Variants in KIAA1217 observed in about 807,000 individuals in gnomAD.
KIAA1217 encodes KIAA1217.
In KIAA1217, 88 loss-of-function variants were observed where a neutral mutation model predicts 163.9. The observed-to-expected ratio is 0.54, with a 90% CI of 0.45 to 0.64. The LOEUF (loss-of-function observed/expected upper bound fraction) is 0.64, where lower values mean the gene tolerates loss of function less well. Ranked by LOEUF, KIAA1217 falls within the 30% of genes least tolerant of loss-of-function variation. The pLI, the probability that KIAA1217 is intolerant of heterozygous loss-of-function variation, is 0.00. For synonymous variants in KIAA1217, 903 were observed against 923.1 expected (o/e 0.98, Z 0.39); for missense variants, 2,372 against 2,475.0 (o/e 0.96, Z 0.88).
intron 1 of KIAA1217, among the ~76,000 whole-genome samples, chr10:23,905,970 C>G (rs1842144754): frequency 6.6e-6 from 1 of 152,042 alleles, no homozygotes; most frequent in African/African-American, 2.4e-5. Context: ...AGTCCAAGAT[C>G]AAGGTGCTGG....
rs1835974461 is a variant in KIAA1217 at position 23,695,574 on chromosome 10, T to C, written c.-321+340T>C. Among the ~76,000 whole-genome samples the C allele has an allele frequency of 6.6e-6, 1 of 152,046 alleles. No homozygotes were observed. Among genetic ancestry groups the C allele is most frequent in the Admixed American group, 6.5e-5 (1 of 15,276 alleles). ...TCCTGGTGACCTTGGCGTGCCCCCC[T>C]GGAGTGGCGAGCCAGGGGCTTATAT... is the stretch of plus-strand genomic sequence containing the variant. On this transcript the variant is annotated intron_variant, in intron 1 of 18. Coordinates refer to the KIAA1217 transcript ENST00000376462. This position sits in a 1 kb window ranked among gnomAD's most constrained non-coding sequence, Gnocchi z 4.9.
chr10:23,787,127 A>G (rs1027931336), intron 1 of KIAA1217, among the ~76,000 whole-genome samples: 1 of 152,214 alleles, frequency 6.6e-6, no homozygotes, highest in African/African-American at 2.4e-5. Flanking sequence ...CATTTTGTAA[A>G]TATTGTGGAA....
rs370249163 is a variant in KIAA1217, at chr10:24,544,399, C to G, written c.5129C>G (p.Ala1710Gly). The G allele has an allele frequency of 6.2e-6, 10 of 1,614,114 alleles. No homozygotes were observed. Among genetic ancestry groups the G allele is most frequent in the Non-Finnish European group, 8.5e-6 (10 of 1,180,002 alleles). ...AGTTCATCCCACATAGCCCAAGAGG[C>G]CTCTCCCCGACCCTTGCTAGTTCCG... is the stretch of plus-strand genomic sequence containing the variant. ...VASSSHIAQE[A>G]SPRPLLVPDE... Residue 1710 changes from alanine to glycine, a missense_variant, in exon 19 of 21, where the codon GCC (alanine) becomes GGC (glycine). Coordinates refer to ENST00000376454, the MANE Select transcript of KIAA1217 (RefSeq NM_019590.5).
rs573905186 is a variant in KIAA1217 at position 23,824,085 on chromosome 10, A to C, written c.-321+128851A>C. ...CCAGGAGTTCAACACCAGCCTGGGA[A>C]ATACAGTGAAACCCCATCTCTACAA... On this transcript the variant is annotated intron_variant, in intron 1 of 18. Coordinates refer to the KIAA1217 transcript ENST00000376462. 7.9e-5 allele frequency among the ~76,000 whole-genome samples: 12 copies of C among 151,910 alleles called. No individual in the cohort carries two copies. In the South Asian group the frequency reaches 2.5e-3, roughly 32 times the overall value.
At chr10:24,195,307 T>C (rs189320397) in intron 2 of KIAA1217, among the ~76,000 whole-genome samples, 231 of 152,288 alleles carry the variant, frequency 1.5e-3, no homozygotes, top group African/African-American at 5.3e-3. Context: ...CCATGTCTTC[T>C]TAATCCAGAC....
chr10:24,049,599 T>A (rs1397605905), intron 2 of KIAA1217, among the ~76,000 whole-genome samples: 1 of 152,108 alleles, frequency 6.6e-6, no homozygotes, highest in Non-Finnish European at 1.5e-5. Context: ...AGAATGATGG[T>A]TTCCAGCTTC....
intron 16 of KIAA1217, among the ~76,000 whole-genome samples, chr10:24,533,904 A>T (rs897113818): frequency 1.3e-5 from 2 of 152,206 alleles, no homozygotes; most frequent in African/African-American, 4.8e-5. Context: ...CCCATCACGG[A>T]TGTGATTCTA....
intron 2 of KIAA1217, among the ~76,000 whole-genome samples, chr10:24,134,957 T>C (rs939502124): frequency 2.6e-5 from 4 of 152,108 alleles, no homozygotes; most frequent in African/African-American, 9.7e-5. Context: ...GTGTAAGCAG[T>C]GGGATGATAA....
At chr10:24,043,620 G>A (rs1206157187) in intron 2 of KIAA1217, among the ~76,000 whole-genome samples, 1 of 152,028 alleles carries the variant, frequency 6.6e-6, no homozygotes, top group African/African-American at 2.4e-5. Context: ...TGACAGAAGT[G>A]GCTGAATAGA....
intron 1 of KIAA1217, among the ~76,000 whole-genome samples, chr10:23,850,025 G>A (rs1273790623): frequency 5.3e-5 from 8 of 152,066 alleles, no homozygotes; most frequent in African/African-American, 1.9e-4. Context: ...AAACCAGGAG[G>A]CTATTTTTAA....
chr10:23,933,003 G>C lies in KIAA1217; in HGVS notation c.-320-74222G>C, dbSNP rs537714170. ...AAGAACCTGGTATGAACGATTGGTTGATTAGCTAGAACTATGGGCAGTTTA... is the reference window on the plus strand; with the variant it reads ...AAGAACCTGGTATGAACGATTGGTTCATTAGCTAGAACTATGGGCAGTTTA... On this transcript the variant is annotated intron_variant, in intron 1 of 18. Coordinates refer to the KIAA1217 transcript ENST00000376462. 7.2e-5 allele frequency among the ~76,000 whole-genome samples: 11 copies of C among 152,356 alleles called. No individual in the cohort carries two copies. The South Asian group carries it at 1.7e-3, about 23-fold the overall frequency.
intron 1 of KIAA1217, among the ~76,000 whole-genome samples, chr10:23,703,440 T>C (rs1836624149): frequency 2.0e-5 from 3 of 152,210 alleles, no homozygotes; most frequent in African/African-American, 7.2e-5. Flanking sequence ...TGTTCTCTGA[T>C]TTCTGAAAAG....
At chr10:24,265,328 C>T (rs2076133950) in intron 2 of KIAA1217, among the ~76,000 whole-genome samples, 1 of 152,208 alleles carries the variant, frequency 6.6e-6, no homozygotes. Context: ...CATAATGCCA[C>T]CATGTATGTA....
chr10:24,178,535 C>G (rs1264639791), intron 2 of KIAA1217, among the ~76,000 whole-genome samples: 2 of 152,232 alleles, frequency 1.3e-5, no homozygotes, highest in South Asian at 2.1e-4. Context: ...CCTTTGATAA[C>G]AGCCAGCTAC....
chr10:24,032,763 T>C (rs71493360), intron 2 of KIAA1217, among the ~76,000 whole-genome samples: 1 of 152,194 alleles, frequency 6.6e-6, no homozygotes, highest in Non-Finnish European at 1.5e-5. Flanking sequence ...TTTGGGGTTG[T>C]TGTGCTTTAA....
intron 3 of KIAA1217, among the ~76,000 whole-genome samples, chr10:24,401,318 A>G (rs2056502417): frequency 1.3e-5 from 2 of 152,142 alleles, no homozygotes; most frequent in African/African-American, 2.4e-5. Context: ...CTATTACCAT[A>G]TGTATTTCAC....
chr10:24,436,572 C>G (rs1376073045), intron 4 of KIAA1217, among the ~76,000 whole-genome samples: 1 of 151,116 alleles, frequency 6.6e-6, no homozygotes, highest in Non-Finnish European at 1.5e-5. Context: ...TCCTGGTTAA[C>G]ACAGTGAAAA....
intron 1 of KIAA1217, among the ~76,000 whole-genome samples, chr10:23,964,665 C>T (rs1001699171): frequency 6.6e-6 from 1 of 152,068 alleles, no homozygotes; most frequent in Non-Finnish European, 1.5e-5. Context: ...AATCAATTCT[C>T]CTGCCTCAGC....
chr10:24,335,583 AT>A (rs371747293), intron 2 of KIAA1217, among the ~76,000 whole-genome samples: 2 of 114,640 alleles, frequency 1.7e-5, no homozygotes, highest in African/African-American at 7.3e-5. Flanking sequence ...ATTTTATCTT[AT>A]TTTATTTATT....
Sources: gnomAD v4.1 joint callset for allele counts (sites outside exome capture counted in the v4.1 genomes callset) on GRCh38, gnomAD v4.1.1 for gene constraint, Gnocchi (gnomAD v3.1) non-coding constraint, MANE v1.5 for transcripts, NCBI Gene and HGNC (gene_info 2026-07-23, HGNC 2026-07-21) for gene names.